Variants in MYO16 observed in about 807,000 individuals in gnomAD.
MYO16 encodes the protein unconventional myosin-XVI.
Under a neutral mutation model 205.3 loss-of-function variants are expected in MYO16, and 94 were observed. The observed-to-expected ratio is 0.46, with a 90% CI of 0.39 to 0.54. The LOEUF (loss-of-function observed/expected upper bound fraction) is 0.54, where lower values mean the gene tolerates loss of function less well. MYO16 is among the 20% of genes least tolerant of loss of function. The probability of loss-of-function intolerance (pLI) is 0.00; values close to 1 mark genes in which losing one functional copy is unlikely to be tolerated. For synonymous variants in MYO16, 988 were observed against 954.0 expected (o/e 1.04, Z -0.66); for missense variants, 2,315 against 2,387.5 (o/e 0.97, Z 0.63).
the MYO16 span, among the ~76,000 whole-genome samples, chr13:108,563,719 C>T: frequency 2.0e-5 from 3 of 152,172 alleles, no homozygotes; most frequent in East Asian, 5.8e-4. Context: ...ATAAGTACCA[C>T]ATTTTCTTTA....
In MYO16 at chr13:108,964,655, T is replaced by G. The variant is rs546855373; in HGVS notation, c.2228-106T>G. 1.6e-5 allele frequency: 19 copies of G among 1,188,700 alleles called. No individual in the cohort carries two copies. The South Asian group carries it at 2.7e-4, about 17-fold the overall frequency. 73.6% of individuals were successfully genotyped at this position (1,188,700 alleles called of 1,614,324 possible). ...AATCCGTATAATTTTTATACATCACTTGTCTTGTGGATGTGTGGGGAATTA... is the reference window on the plus strand; with the variant it reads ...AATCCGTATAATTTTTATACATCACGTGTCTTGTGGATGTGTGGGGAATTA... On this transcript the variant is annotated intron_variant, in intron 19 of 34. Transcript: ENST00000457511.
At chr13:108,992,523 A>G in intron 21 of MYO16, 75 bp downstream of exon 21, 2 of 901,480 alleles carry the variant, frequency 2.2e-6, no homozygotes, top group Non-Finnish European at 3.5e-6. Context: ...AATTCTGTAA[A>G]GACAGTGTAA....
At chr13:108,979,916 A>G (rs539293264) in intron 20 of MYO16, among the ~76,000 whole-genome samples, 4 of 152,274 alleles carry the variant, frequency 2.6e-5, no homozygotes, top group African/African-American at 9.6e-5. Flanking sequence ...GCCACTCATT[A>G]TTTTTAAAAA....
the MYO16 span, among the ~76,000 whole-genome samples, chr13:108,584,558 C>T: frequency 1.3e-5 from 2 of 152,060 alleles, no homozygotes; most frequent in African/African-American, 4.8e-5. Flanking sequence ...CTATAGAACA[C>T]CAGAACTCAT....
At chr13:108,696,419 C>A (rs954339915) in intron 2 of MYO16, among the ~76,000 whole-genome samples, 2 of 152,112 alleles carry the variant, frequency 1.3e-5, no homozygotes, top group African/African-American at 4.8e-5. Flanking sequence ...GAAGACAAAC[C>A]ATTGCTACAC....
intron 16 of MYO16, among the ~76,000 whole-genome samples, chr13:108,955,625 C>A (rs537986298): frequency 6.6e-6 from 1 of 152,148 alleles, no homozygotes; most frequent in African/African-American, 2.4e-5. Context: ...AAGGCCAAGG[C>A]GGGTGGATCA....
chr13:108,717,416 G>T (rs1011762117), intron 3 of MYO16, among the ~76,000 whole-genome samples: 2 of 152,014 alleles, frequency 1.3e-5, no homozygotes, highest in Non-Finnish European at 2.9e-5. Context: ...CAGACACGAG[G>T]TCAGGAGATC....
At chr13:109,061,354 G>A (rs1887587842) in intron 27 of MYO16, among the ~76,000 whole-genome samples, 1 of 152,084 alleles carries the variant, frequency 6.6e-6, no homozygotes, top group South Asian at 2.1e-4. Context: ...TCTAGCTCTT[G>A]GCCCGTCTTG....
chr13:108,738,616 G>T (rs1884788822), intron 4 of MYO16, among the ~76,000 whole-genome samples: 1 of 152,176 alleles, frequency 6.6e-6, no homozygotes, highest in Non-Finnish European at 1.5e-5. Context: ...ATATTCTGTT[G>T]ATTCGGGGTG....
At chr13:108,666,279 T>A in intron 2 of MYO16, 130 bp downstream of exon 2, 1 of 1,046,932 alleles carries the variant, frequency 9.6e-7, no homozygotes, top group Non-Finnish European at 1.3e-6. Flanking sequence ...TACTATCTTT[T>A]AACTGTTTGT....
At chr13:108,580,347 A>C in the MYO16 span, among the ~76,000 whole-genome samples, 7 of 152,272 alleles carry the variant, frequency 4.6e-5, no homozygotes, top group East Asian at 1.4e-3. Context: ...CGACAATTTG[A>C]GGGCAGAATC....
chr13:108,716,134 G>A (rs1320750736), intron 3 of MYO16, among the ~76,000 whole-genome samples: 1 of 152,146 alleles, frequency 6.6e-6, no homozygotes, highest in Non-Finnish European at 1.5e-5. Flanking sequence ...ATACTTTTCT[G>A]TTCTTAGCAT....
At chr13:108,957,402 C>A (rs373306781) in intron 16 of MYO16, among the ~76,000 whole-genome samples, 12,727 of 94,918 alleles carry the variant, frequency 0.13, 811 homozygotes, top group African/African-American at 0.2. Flanking sequence ...AAAAAAAAAA[C>A]AAAAACATGA....
chr13:108,997,375 A>G (rs1453131831), intron 21 of MYO16, among the ~76,000 whole-genome samples: 5,294 of 54,638 alleles, frequency 0.097, 596 homozygotes, highest in South Asian at 0.13. Context: ...AGAGAGAGAG[A>G]GAGAGAGAGA....
intron 30 of MYO16, among the ~76,000 whole-genome samples, chr13:109,126,782 G>T (rs900603411): frequency 1.3e-5 from 2 of 152,194 alleles, no homozygotes; most frequent in Non-Finnish European, 2.9e-5. Context: ...GGGAGAAGGA[G>T]AACACTGAAA....
intron 4 of MYO16, among the ~76,000 whole-genome samples, chr13:108,765,042 CATAGAG>C (rs1431665253): frequency 6.6e-6 from 1 of 152,132 alleles, no homozygotes; most frequent in African/African-American, 2.4e-5. Context: ...AATTTCATCA[CATAGAG>C]ATAATCATTG....
At chr13:108,961,505 C>A (rs779574891) in intron 17 of MYO16, 34 bp from the exon 18 acceptor site, 30 of 1,540,378 alleles carry the variant, frequency 1.9e-5, no homozygotes, top group South Asian at 5.6e-5. Context: ...CTTCTAAGCA[C>A]CCTATTCATT....
At chr13:108,567,902 C>T in the MYO16 span, among the ~76,000 whole-genome samples, 2 of 152,056 alleles carry the variant, frequency 1.3e-5, no homozygotes, top group East Asian at 1.9e-4. Flanking sequence ...ATACATTTTT[C>T]GGTCTCTTTA....
chr13:108,873,110 C>A (rs1879144595), intron 12 of MYO16, among the ~76,000 whole-genome samples: 1 of 152,132 alleles, frequency 6.6e-6, no homozygotes, highest in South Asian at 2.1e-4. Flanking sequence ...GGCCACACAA[C>A]AAAAATTTAT....
Sources: gnomAD v4.1 joint callset for allele counts (sites outside exome capture counted in the v4.1 genomes callset) on GRCh38, gnomAD v4.1.1 for gene constraint, MANE v1.5 for transcripts, NCBI Gene and HGNC (gene_info 2026-07-23, HGNC 2026-07-21) for gene names.